LRFN2: variants seen among roughly 807,000 people sequenced by gnomAD.
LRFN2 encodes the protein leucine rich repeat and fibronectin type III domain containing 2.
Under a neutral mutation model 37.3 loss-of-function variants are expected in LRFN2, and 18 were observed. The observed-to-expected ratio is 0.48, with a 90% CI of 0.33 to 0.72. LRFN2 has a LOEUF of 0.72. LRFN2 is among the 30% of genes least tolerant of loss of function. LRFN2 has a pLI of 0.02. For missense variants in LRFN2, 1,006 were observed against 1,060.7 expected (o/e 0.95, Z 0.72); for synonymous variants, 556 against 466.6 (o/e 1.19, Z -2.47).
chr6:40,552,310 G>T (rs1253069666), intron 1 of LRFN2, among the ~76,000 whole-genome samples: 1 of 152,162 alleles, frequency 6.6e-6, no homozygotes, highest in Admixed American at 6.5e-5. Context: ...AATCACCTGG[G>T]ATCTTGTTAA....
At chr6:40,483,360 G>A (rs1312457586) in intron 1 of LRFN2, among the ~76,000 whole-genome samples, 1 of 152,124 alleles carries the variant, frequency 6.6e-6, no homozygotes, top group Admixed American at 6.5e-5. Context: ...CTATTGCGCT[G>A]GCAGAGTTGG....
intron 1 of LRFN2, among the ~76,000 whole-genome samples, chr6:40,520,438 G>A (rs1766027933): frequency 1.3e-5 from 2 of 152,122 alleles, no homozygotes; most frequent in South Asian, 4.2e-4. Context: ...GCTGGAGCAG[G>A]GAAAGAAGAG....
chr6:40,431,994 C>A lies in LRFN2; in HGVS notation c.1120G>T (p.Val374Phe). The A allele has an allele frequency of 6.2e-7, 1 of 1,613,678 alleles. No individual in the cohort carries two copies. Among genetic ancestry groups the A allele is most frequent in the Non-Finnish European group, 8.5e-7 (1 of 1,180,018 alleles). ...AAGEATAMVE[V>F]SIVQLPHLSN... ...AGGTGTGGCAGCTGGACGATGGAGACCTCCACCATGGCCGTGGCCTCTCCG... is the reference window on the plus strand; with the variant it reads ...AGGTGTGGCAGCTGGACGATGGAGAACTCCACCATGGCCGTGGCCTCTCCG... Residue 374 changes from valine to phenylalanine, a missense_variant, in exon 2 of 3, where the codon GTC (valine) becomes TTC (phenylalanine). Around this residue, in one of 4 missense-constraint regions of LRFN2, gnomAD observed 303 missense variants for 299.8 expected, o/e 1.01. Coordinates refer to ENST00000338305, the MANE Select transcript of LRFN2 (RefSeq NM_020737.3).
intron 1 of LRFN2, among the ~76,000 whole-genome samples, chr6:40,549,194 G>C (rs1316482236): frequency 1.3e-5 from 2 of 152,202 alleles, no homozygotes; most frequent in East Asian, 3.9e-4. Context: ...CAACAGATTT[G>C]TATGTTTGCA....
Position 40,392,196 on chromosome 6 carries a change from G to T in LRFN2, c.2117C>A (p.Ala706Asp). Residue 706 changes from alanine to aspartate, a missense_variant, in exon 3 of 3, where the codon GCC becomes GAC. Transcript: ENST00000338305. The surrounding 1 kb of genome is among the most constrained non-coding windows in gnomAD (Gnocchi z 4.7). ...CAACGGCAAGGGGAGCAGGCTCCTG[G>T]CCCGGGCCGCAGGGGGCCCCAGCAG... The part of the protein sequence containing the change: ...EPLLGPPAAR[A>D]RSLLPLPLEG... The T allele has an allele frequency of 6.3e-7, 1 of 1,577,992 alleles. No individual in the cohort carries two copies. The highest frequency in any genetic ancestry group is 1.3e-5 in the African/African-American group (1 of 74,110).
At chr6:40,509,294 G>A (rs1765628296) in intron 1 of LRFN2, among the ~76,000 whole-genome samples, 1 of 152,246 alleles carries the variant, frequency 6.6e-6, no homozygotes, top group African/African-American at 2.4e-5. Context: ...TCACTCATGG[G>A]ACAGAGCATG....
intron 2 of LRFN2, among the ~76,000 whole-genome samples, chr6:40,398,735 G>A (rs1337026743): frequency 6.6e-6 from 1 of 151,888 alleles, no homozygotes; most frequent in Admixed American, 6.6e-5. Context: ...ATTTGAAACT[G>A]CAACCCCAAG....
At chr6:40,550,600 TA>T (rs1766759030) in intron 1 of LRFN2, among the ~76,000 whole-genome samples, 1 of 152,220 alleles carries the variant, frequency 6.6e-6, no homozygotes, top group African/African-American at 2.4e-5. Flanking sequence ...CAGAAGAAGG[TA>T]CCGGGGACCA....
chr6:40,507,012 C>T (rs894716340), intron 1 of LRFN2, among the ~76,000 whole-genome samples: 1 of 152,152 alleles, frequency 6.6e-6, no homozygotes, highest in African/African-American at 2.4e-5. Context: ...AGATCAAGAG[C>T]CATTATTAAT....
At chr6:40,560,876 A>T (rs1187279703) in intron 1 of LRFN2, among the ~76,000 whole-genome samples, 1 of 152,146 alleles carries the variant, frequency 6.6e-6, no homozygotes, top group Non-Finnish European at 1.5e-5. Context: ...GCCAAAAGAG[A>T]TTGAAAGTCC....
At chr6:40,441,394 G>C (rs778116937) in intron 1 of LRFN2, among the ~76,000 whole-genome samples, 3 of 152,136 alleles carry the variant, frequency 2.0e-5, no homozygotes, top group Non-Finnish European at 4.4e-5. Flanking sequence ...GTGTGAGTGA[G>C]GGGGCCTCAC....
At position 40,432,578 on chromosome 6, in the gene LRFN2, C is replaced by T; in HGVS notation, c.536G>A (p.Ser179Asn). 1 of 1,614,212 alleles carries T rather than the reference C, an allele frequency of 6.2e-7. No homozygotes were observed. The highest frequency in any genetic ancestry group is 8.5e-7 in the Non-Finnish European group (1 of 1,180,038). ...GTGATCCAGCAGGTTGTGGTCCAGG[C>T]TCAGCTGGTGGAGGTTGACCATGCG... ...VRRMVNLHQL[S>N]LDHNLLDHIA... is the part of the protein sequence containing the mutation. The change falls in exon 2 of 3, where the codon AGC becomes AAC. Residue 179 changes from serine to asparagine, a missense_variant. Ser to Asn is a conservative substitution (Grantham distance 46). This residue lies in a region of LRFN2 where 185 missense variants were observed against 254.9 expected (regional missense o/e 0.73). Coordinates refer to ENST00000338305, the MANE Select transcript of LRFN2 (RefSeq NM_020737.3).
At chr6:40,425,167 G>A (rs753108088) in intron 2 of LRFN2, among the ~76,000 whole-genome samples, 9 of 152,244 alleles carry the variant, frequency 5.9e-5, no homozygotes, top group Non-Finnish European at 1.0e-4. Flanking sequence ...CATGGCATGG[G>A]AAAGGGAGCC....
At chr6:40,477,750 C>T (rs982289720) in intron 1 of LRFN2, among the ~76,000 whole-genome samples, 10 of 152,146 alleles carry the variant, frequency 6.6e-5, no homozygotes, top group Non-Finnish European at 1.5e-4. Flanking sequence ...CAGCTGGAAG[C>T]GCGTTCTCCC....
intron 1 of LRFN2, among the ~76,000 whole-genome samples, chr6:40,434,482 CTTT>C (rs112476329): frequency 3.5e-5 from 5 of 141,686 alleles, no homozygotes; most frequent in Non-Finnish European, 1.5e-5. Context: ...CTTTTTTTTT[CTTT>C]TTTTTTTTTT....
At chr6:40,579,613 A>AC (rs1767356751) in intron 1 of LRFN2, among the ~76,000 whole-genome samples, 1 of 144,970 alleles carries the variant, frequency 6.9e-6, no homozygotes, top group African/African-American at 2.5e-5. Flanking sequence ...AACACACACA[A>AC]ACACACACAC....
intron 2 of LRFN2, among the ~76,000 whole-genome samples, chr6:40,411,735 G>A (rs540552274): frequency 7.9e-5 from 12 of 151,956 alleles, no homozygotes; most frequent in Admixed American, 7.2e-4. Flanking sequence ...CCACCTTCTC[G>A]GTGAGGCCTG....
chr6:40,478,899 A>G (rs1761560348), intron 1 of LRFN2, among the ~76,000 whole-genome samples: 1 of 152,252 alleles, frequency 6.6e-6, no homozygotes, highest in Non-Finnish European at 1.5e-5. Context: ...CAACAAATAA[A>G]CTAAAGAAGT....
intron 1 of LRFN2, among the ~76,000 whole-genome samples, chr6:40,545,030 G>T (rs1004220267): frequency 1.1e-4 from 17 of 152,188 alleles, no homozygotes; most frequent in Admixed American, 5.2e-4. Flanking sequence ...GGCTGACCCA[G>T]GGTCAGTCAC....
Sources: gnomAD v4.1 joint callset for allele counts (sites outside exome capture counted in the v4.1 genomes callset) on GRCh38, gnomAD v4.1.1 for gene constraint, gnomAD v4.1.1 regional missense constraint, Gnocchi (gnomAD v3.1) non-coding constraint, MANE v1.5 for transcripts, NCBI Gene and HGNC (gene_info 2026-07-23, HGNC 2026-07-21) for gene names.